The following CSMD1 variants were observed in gnomAD, a reference collection of about 807,000 sequenced individuals.
CSMD1 encodes the protein CUB and sushi domain-containing protein 1.
In CSMD1, 213 loss-of-function variants were observed where a neutral mutation model predicts 417.5. The observed-to-expected ratio is 0.51, with a 90% confidence interval of 0.46 to 0.57. The LOEUF is 0.57. Among genes scored for constraint, CSMD1 ranks in the 20% least tolerant of loss-of-function variants. The probability of loss-of-function intolerance (pLI) is 0.00; values close to 1 mark genes in which losing one functional copy is unlikely to be tolerated. For synonymous variants in CSMD1, 2,862 were observed against 1,736.8 expected (o/e 1.65, Z -16.11); for missense variants, 6,923 against 4,529.7 (o/e 1.53, Z -15.17).
intron 1 of CSMD1, among the ~76,000 whole-genome samples, chr8:4,749,540 T>C (rs975761090): frequency 3.3e-5 from 5 of 152,224 alleles, no homozygotes; most frequent in African/African-American, 1.2e-4. Flanking sequence ...TATTTTACTC[T>C]AGACTTCTAA....
At chr8:4,788,608 T>C in intron 1 of CSMD1, 1 of 1,034,368 alleles carries the variant, frequency 9.7e-7, no homozygotes, top group Non-Finnish European at 1.4e-6. Flanking sequence ...CATTGAAATT[T>C]TTAGGGGAAA....
At chr8:3,439,314 T>TTTTTTG (rs1814813365) in intron 12 of CSMD1, among the ~76,000 whole-genome samples, 1 of 135,114 alleles carries the variant, frequency 7.4e-6, no homozygotes. Context: ...TATATATTTT[T>TTTTTTG]TTTTTTAATA....
intron 6 of CSMD1, among the ~76,000 whole-genome samples, chr8:3,742,759 C>T (rs573610546): frequency 5.3e-5 from 8 of 152,016 alleles, no homozygotes; most frequent in South Asian, 4.2e-4. Context: ...AAAAACAAAA[C>T]GAAACGAAAC....
chr8:4,848,311 CAT>C (rs1444057607), intron 1 of CSMD1, among the ~76,000 whole-genome samples: 1 of 152,150 alleles, frequency 6.6e-6, no homozygotes, highest in Non-Finnish European at 1.5e-5. Context: ...TGAATACAGT[CAT>C]GTGCTGGATA....
chr8:4,919,076 T>C lies in CSMD1; in HGVS notation c.85+75256A>G, dbSNP rs533199550. ...TGGTTTTCAGTGAGGTAGTAGTTTG[T>C]TAAACAGAGAAAATAATGATTATGT... is the stretch of plus-strand genomic sequence containing the variant. On this transcript the variant is annotated intron_variant, in intron 1 of 69. Transcript: ENST00000635120. 9.8e-5 allele frequency among the ~76,000 whole-genome samples: 15 copies of C among 152,294 alleles called. No homozygotes were observed. In the East Asian group the frequency reaches 2.7e-3, roughly 27 times the overall value.
intron 36 of CSMD1, among the ~76,000 whole-genome samples, chr8:3,182,826 G>A (rs1285236089): frequency 2.2e-5 from 3 of 135,822 alleles, no homozygotes; most frequent in Admixed American, 7.5e-5. Flanking sequence ...GACTCTGGCT[G>A]TCTCTTTATA....
chr8:4,489,055 T>A lies in CSMD1; in HGVS notation c.303-68990A>T, dbSNP rs565099646. Among the ~76,000 whole-genome samples the A allele has an allele frequency of 2.0e-5, 3 of 152,242 alleles. No individual in the cohort carries two copies. The East Asian group carries it at 5.8e-4, about 30-fold the overall frequency. On this transcript the variant is annotated intron_variant, in intron 2 of 69. Transcript: ENST00000635120. ...CCTCCTGAGTAGCTGGGAATACAGG[T>A]GCGTGCCACCACACACAGCTAATTT...
chr8:4,492,194 A>G (rs1801738895), intron 2 of CSMD1, among the ~76,000 whole-genome samples: 1 of 152,152 alleles, frequency 6.6e-6, no homozygotes, highest in Non-Finnish European at 1.5e-5. Context: ...ACTTCAAGGG[A>G]TCTGCCCACC....
intron 3 of CSMD1, among the ~76,000 whole-genome samples, chr8:4,118,502 C>T (rs1003088002): frequency 1.3e-5 from 2 of 151,188 alleles, no homozygotes; most frequent in African/African-American, 4.9e-5. Context: ...AGCTCATCAT[C>T]ACTGGTCACT....
intron 1 of CSMD1, chr8:4,787,347 G>T (rs145474483): frequency 2.6e-4 from 189 of 735,948 alleles, no homozygotes; most frequent in Middle Eastern, 7.8e-4. Context: ...GACAGCTGAG[G>T]TACTGAACAC....
chr8:4,699,728 T>A (rs1239244825), intron 1 of CSMD1, among the ~76,000 whole-genome samples: 1 of 152,190 alleles, frequency 6.6e-6, no homozygotes, highest in Non-Finnish European at 1.5e-5. Context: ...AGGTGTTAAT[T>A]TCTACTGTGA....
At chr8:3,024,736 T>C (rs1308574624) in intron 51 of CSMD1, among the ~76,000 whole-genome samples, 1 of 152,162 alleles carries the variant, frequency 6.6e-6, no homozygotes, top group Non-Finnish European at 1.5e-5. Context: ...TTCAAGAGAG[T>C]AGATGGTTAC....
intron 49 of CSMD1, among the ~76,000 whole-genome samples, chr8:3,061,216 T>C (rs1274038874): frequency 6.6e-6 from 1 of 152,090 alleles, no homozygotes; most frequent in African/African-American, 2.4e-5. Flanking sequence ...CACCCATACC[T>C]CCTCAGCAGG....
At chr8:4,074,204 T>C (rs1799704764) in intron 3 of CSMD1, among the ~76,000 whole-genome samples, 1 of 152,058 alleles carries the variant, frequency 6.6e-6, no homozygotes, top group African/African-American at 2.4e-5. Flanking sequence ...CTATGCTAAA[T>C]TGTACACAAA....
chr8:3,705,013 C>T (rs1213863413), intron 7 of CSMD1, among the ~76,000 whole-genome samples: 4 of 152,158 alleles, frequency 2.6e-5, no homozygotes, highest in Non-Finnish European at 5.9e-5. Flanking sequence ...CTCGAATTCA[C>T]CAAAACCTTG....
intron 1 of CSMD1, among the ~76,000 whole-genome samples, chr8:4,984,577 T>C (rs1811071976): frequency 6.6e-6 from 1 of 152,240 alleles, no homozygotes; most frequent in Non-Finnish European, 1.5e-5. Flanking sequence ...TCATCTTCAG[T>C]TCATGATGTT....
intron 12 of CSMD1, among the ~76,000 whole-genome samples, chr8:3,428,645 C>G (rs1814009531): frequency 6.6e-6 from 1 of 152,104 alleles, no homozygotes; most frequent in Non-Finnish European, 1.5e-5. Flanking sequence ...AAACAGTATG[C>G]AGCTTTCTTA....
chr8:4,163,402 T>C (rs561456436), intron 3 of CSMD1, among the ~76,000 whole-genome samples: 5 of 152,322 alleles, frequency 3.3e-5, no homozygotes, highest in East Asian at 3.9e-4. Context: ...ATCTACATTG[T>C]TGGTGTTATG....
intron 7 of CSMD1, among the ~76,000 whole-genome samples, chr8:3,691,543 C>T: frequency 6.6e-6 from 1 of 152,254 alleles, no homozygotes; most frequent in East Asian, 1.9e-4. Flanking sequence ...CAGGACCTAC[C>T]TGAATGAATA....
Sources: gnomAD v4.1 joint callset for allele counts (sites outside exome capture counted in the v4.1 genomes callset) on GRCh38, gnomAD v4.1.1 for gene constraint, MANE v1.5 for transcripts, NCBI Gene and HGNC (gene_info 2026-07-23, HGNC 2026-07-21) for gene names.